ALOX5AP: variants seen among roughly 807,000 people sequenced by gnomAD.
ALOX5AP encodes the protein arachidonate 5-lipoxygenase-activating protein.
ALOX5AP carries 9 observed loss-of-function variants against 18.5 expected under a neutral mutation model. The ratio of observed to expected loss-of-function variants is 0.49; its 90% CI spans 0.29 to 0.85. The LOEUF (loss-of-function observed/expected upper bound fraction) is 0.85. Ranked by LOEUF, ALOX5AP falls within the 40% of genes least tolerant of loss-of-function variation. The pLI, the probability that ALOX5AP is intolerant of heterozygous loss-of-function variation, is 0.08. For synonymous variants in ALOX5AP, 81 were observed against 78.6 expected, an observed-to-expected ratio of 1.03 and a Z score of -0.16; for missense variants, 172 against 202.5, an observed-to-expected ratio of 0.85 and a Z score of 0.91.
At chr13:30,739,724 G>T (rs762805553) in intron 1 of ALOX5AP, among the ~76,000 whole-genome samples, 3 of 152,172 alleles carry the variant, frequency 2.0e-5, no homozygotes, top group Admixed American at 6.6e-5. Flanking sequence ...CATGAAACCA[G>T]CCTAGAAATA....
upstream of ALOX5AP, among the ~76,000 whole-genome samples, chr13:30,734,722 T>A (rs1403041907): frequency 6.6e-6 from 1 of 152,264 alleles, no homozygotes; most frequent in Non-Finnish European, 1.5e-5. Flanking sequence ...TTAGGGATCA[T>A]CTGTAACTCC....
chr13:30,732,167 G>A (rs774010954), upstream of ALOX5AP, among the ~76,000 whole-genome samples: 21 of 152,198 alleles, frequency 1.4e-4, no homozygotes, highest in Admixed American at 1.3e-3. Flanking sequence ...AGCTCAGAGC[G>A]GGGTGCCCGG....
intron 2 of ALOX5AP, among the ~76,000 whole-genome samples, chr13:30,751,206 G>A (rs1951849116): frequency 6.6e-6 from 1 of 152,142 alleles, no homozygotes; most frequent in African/African-American, 2.4e-5. Flanking sequence ...TGGGATTACA[G>A]GTGCTTGCCA....
At chr13:30,744,957 A>T (rs752654376) in intron 2 of ALOX5AP, among the ~76,000 whole-genome samples, 3 of 152,198 alleles carry the variant, frequency 2.0e-5, no homozygotes, top group African/African-American at 4.8e-5. Flanking sequence ...AGCAACTTTG[A>T]TGTTCCCAGA....
chr13:30,756,484 A>T (rs1447411662), intron 4 of ALOX5AP, among the ~76,000 whole-genome samples: 1 of 152,182 alleles, frequency 6.6e-6, no homozygotes, highest in African/African-American at 2.4e-5. Flanking sequence ...GACCAGAAGA[A>T]AGAATGTTGG....
At chr13:30,733,190 GGA>G (rs376701890), upstream of ALOX5AP, among the ~76,000 whole-genome samples, 5 of 150,444 alleles carry the variant, frequency 3.3e-5, no homozygotes, top group Admixed American at 6.6e-5. Context: ...AGGAAGGGCG[GGA>G]GAGAGAGAGA....
chr13:30,764,182 A>T lies in ALOX5AP; in HGVS notation c.*76A>T. 6.8e-7 allele frequency: 1 copy of T among 1,467,934 alleles called. No individual in the cohort carries two copies. The highest frequency in any genetic ancestry group is 9.2e-7 in the Non-Finnish European group (1 of 1,084,940). 90.9% of individuals were successfully genotyped at this position (1,467,934 alleles called of 1,614,324 possible). On this transcript the variant is annotated 3_prime_UTR_variant, in exon 5 of 5. Transcript: ENST00000380490. ...TCATCATAATTCAGCTCTTGAGAGC[A>T]TTCTGCTCTTCTTTAGATGGCTGTA...
At chr13:30,731,710 T>C (rs916730655), upstream of ALOX5AP, among the ~76,000 whole-genome samples, 16 of 152,232 alleles carry the variant, frequency 1.1e-4, no homozygotes, top group African/African-American at 2.9e-4. Context: ...AGTTTCACTT[T>C]CTGGGCAATG....
At chr13:30,723,147 T>C (rs569696792) in intron 1 of ALOX5AP, among the ~76,000 whole-genome samples, 1 of 152,230 alleles carries the variant, frequency 6.6e-6, no homozygotes, top group Non-Finnish European at 1.5e-5. Context: ...CTTCTCACCA[T>C]ACATATTTAA....
chr13:30,717,153 C>A (rs2137783702), intron 1 of ALOX5AP, among the ~76,000 whole-genome samples: 1 of 152,366 alleles, frequency 6.6e-6, no homozygotes, highest in Non-Finnish European at 1.5e-5. Flanking sequence ...CAAATGAAAA[C>A]ACCTCTAGCA....
chr13:30,727,117 G>C (rs529008833), intron 1 of ALOX5AP, among the ~76,000 whole-genome samples: 1 of 151,166 alleles, frequency 6.6e-6, no homozygotes. Context: ...GCAGTGGTGC[G>C]ATCTTGGCTC....
chr13:30,744,008 G>C (rs1951788052), intron 1 of ALOX5AP, 52 bp from the exon 2 acceptor site: 1 of 1,480,760 alleles, frequency 6.8e-7, no homozygotes, highest in African/African-American at 1.4e-5. Context: ...GGAAGTAACA[G>C]GCTCCTGAAC....
At chr13:30,745,029 G>A (rs1413380873) in intron 2 of ALOX5AP, among the ~76,000 whole-genome samples, 1 of 152,184 alleles carries the variant, frequency 6.6e-6, no homozygotes, top group Non-Finnish European at 1.5e-5. Flanking sequence ...GCCAAGAATG[G>A]TGCAAACTCA....
At chr13:30,714,853 G>A (rs576199143) in intron 1 of ALOX5AP, among the ~76,000 whole-genome samples, 1 of 152,318 alleles carries the variant, frequency 6.6e-6, no homozygotes, top group East Asian at 1.9e-4. Context: ...GCTTGCCACA[G>A]TGTTCATTTT....
intron 1 of ALOX5AP, among the ~76,000 whole-genome samples, chr13:30,730,320 G>A (rs975308700): frequency 3.9e-5 from 6 of 152,204 alleles, no homozygotes; most frequent in African/African-American, 1.4e-4. Flanking sequence ...GGCCAGGGAA[G>A]GAGAAACAAC....
At chr13:30,758,058 G>A (rs1951910749) in intron 4 of ALOX5AP, among the ~76,000 whole-genome samples, 1 of 152,160 alleles carries the variant, frequency 6.6e-6, no homozygotes, top group African/African-American at 2.4e-5. Flanking sequence ...CTTTCTTCCA[G>A]AGACCAAACC....
At chr13:30,736,270 G>A (rs1165550955) in intron 1 of ALOX5AP, among the ~76,000 whole-genome samples, 1 of 151,424 alleles carries the variant, frequency 6.6e-6, no homozygotes, top group Non-Finnish European at 1.5e-5. Context: ...CATATGCAGT[G>A]TATACTTCAG....
At chr13:30,758,205 G>C (rs1310283582) in intron 4 of ALOX5AP, among the ~76,000 whole-genome samples, 1 of 152,184 alleles carries the variant, frequency 6.6e-6, no homozygotes, top group African/African-American at 2.4e-5. Flanking sequence ...ATAGATGCAA[G>C]CCAGAGGGGC....
chr13:30,718,516 C>A (rs1451134349), intron 1 of ALOX5AP, among the ~76,000 whole-genome samples: 1 of 152,002 alleles, frequency 6.6e-6, no homozygotes, highest in Non-Finnish European at 1.5e-5. Flanking sequence ...CCATTGCATA[C>A]CCATCCACTG....
Sources: allele counts gnomAD v4.1 joint callset (sites outside exome capture counted in the v4.1 genomes callset), GRCh38; gene constraint gnomAD v4.1.1; transcripts MANE v1.5; gene names NCBI Gene and HGNC (gene_info 2026-07-23, HGNC 2026-07-21).